VWC2L: variants seen among roughly 807,000 people sequenced by gnomAD.
VWC2L encodes the protein von Willebrand factor C domain containing 2 like, also known as von Willebrand factor C domain-containing protein 2-like.
A neutral mutation model predicts 21.6 loss-of-function variants in VWC2L; 10 were observed. That is an observed-to-expected ratio of 0.46 (90% confidence interval 0.29 to 0.78). VWC2L has a LOEUF of 0.78. Ranked by LOEUF, VWC2L falls within the 30% of genes least tolerant of loss-of-function variation. VWC2L has a pLI of 0.10. For missense variants in VWC2L, 209 were observed against 277.1 expected, an observed-to-expected ratio of 0.75 and a Z score of 1.74; for synonymous variants, 96 against 94.3, an observed-to-expected ratio of 1.02 and a Z score of -0.10.
chr2:214,413,498 C>A (rs1702308247), intron 1 of VWC2L, among the ~76,000 whole-genome samples: 1 of 151,990 alleles, frequency 6.6e-6, no homozygotes, highest in African/African-American at 2.4e-5. Context: ...TTTTTGTTAT[C>A]AACTTTATTT....
At chr2:214,562,792 C>T (rs1175538005) in intron 3 of VWC2L, among the ~76,000 whole-genome samples, 1 of 152,134 alleles carries the variant, frequency 6.6e-6, no homozygotes, top group Non-Finnish European at 1.5e-5. Context: ...TGTTCACGTC[C>T]TTTGCCCACT....
chr2:214,549,771 CAAAACA>C (rs1689764746), intron 3 of VWC2L, among the ~76,000 whole-genome samples: 1 of 152,138 alleles, frequency 6.6e-6, no homozygotes, highest in Non-Finnish European at 1.5e-5. Flanking sequence ...GACTCCGTCT[CAAAACA>C]AAAACAAATA....
chr2:214,514,580 C>A (rs1689110465), intron 3 of VWC2L, among the ~76,000 whole-genome samples: 1 of 149,644 alleles, frequency 6.7e-6, no homozygotes, highest in South Asian at 2.1e-4. Flanking sequence ...TTTTGCCAAG[C>A]AGACAGTATA....
intron 3 of VWC2L, among the ~76,000 whole-genome samples, chr2:214,572,549 G>A (rs916227899): frequency 4.6e-5 from 7 of 152,138 alleles, no homozygotes; most frequent in Non-Finnish European, 8.8e-5. Context: ...GTAGACAGTA[G>A]ATAGAAGGGT....
intron 3 of VWC2L, among the ~76,000 whole-genome samples, chr2:214,439,779 A>C (rs576523565): frequency 1.4e-4 from 21 of 151,868 alleles, no homozygotes; most frequent in Middle Eastern, 3.2e-3. Flanking sequence ...CTCAACATTA[A>C]GCTAATATAG....
At chr2:214,485,290 G>C (rs1326104643) in intron 3 of VWC2L, among the ~76,000 whole-genome samples, 2 of 152,148 alleles carry the variant, frequency 1.3e-5, no homozygotes, top group South Asian at 2.1e-4. Context: ...CTAGGTGACA[G>C]AGCAAGACTC....
At chr2:214,427,544 C>G (rs990999305) in intron 2 of VWC2L, among the ~76,000 whole-genome samples, 2 of 152,140 alleles carry the variant, frequency 1.3e-5, no homozygotes, top group Admixed American at 1.3e-4. Flanking sequence ...CATTCTCAAT[C>G]GAACCACAAT....
At chr2:214,470,916 C>CAAAAAAAAAAAAAAAAAAAAAAAAAAA (rs56041924) in intron 3 of VWC2L, among the ~76,000 whole-genome samples, 1 of 50,794 alleles carries the variant, frequency 2.0e-5, no homozygotes, top group African/African-American at 1.0e-4. Flanking sequence ...AACTCCATCT[C>CAAAAAAAAAAAAAAAAAAAAAAAAAAA]AAAAAAAAAA....
At chr2:214,498,283 A>G (rs540992025) in intron 3 of VWC2L, among the ~76,000 whole-genome samples, 5 of 152,274 alleles carry the variant, frequency 3.3e-5, no homozygotes, top group African/African-American at 1.2e-4. Context: ...GGACATAGAG[A>G]AAAACTCTTT....
chr2:214,541,626 C>T lies in VWC2L; in HGVS notation c.521-34046C>T, dbSNP rs114238465. Among the ~76,000 whole-genome samples the T allele has an allele frequency of 4.7e-3, 720 of 152,254 alleles. 4 individuals carry two copies. Among genetic ancestry groups the T allele is most frequent in the Non-Finnish European group, 7.0e-3 (477 of 68,030 alleles). ...TAGGGTAGTTTTCATTTTGCATTCT[C>T]GCTCTGCCACACGTTAGGTAGGACC... On this transcript the variant is annotated intron_variant, in intron 3 of 3. Coordinates refer to ENST00000312504, the MANE Select transcript of VWC2L (RefSeq NM_001080500.4).
At chr2:214,458,683 T>C (rs923783216) in intron 3 of VWC2L, among the ~76,000 whole-genome samples, 8 of 152,138 alleles carry the variant, frequency 5.3e-5, no homozygotes, top group Non-Finnish European at 1.2e-4. Context: ...TTTTACCTAG[T>C]GGTCATTTAG....
intron 3 of VWC2L, among the ~76,000 whole-genome samples, chr2:214,545,887 A>G (rs1204896293): frequency 1.3e-5 from 2 of 152,172 alleles, no homozygotes; most frequent in Non-Finnish European, 2.9e-5. Flanking sequence ...AAAGGAAAAA[A>G]TACTAGTTCA....
chr2:214,495,899 C>G (rs1406521117), intron 3 of VWC2L, among the ~76,000 whole-genome samples: 1 of 152,046 alleles, frequency 6.6e-6, no homozygotes, highest in African/African-American at 2.4e-5. Flanking sequence ...GCCAACAAGT[C>G]AGTTCAGATT....
At chr2:214,509,067 C>T (rs1394331083) in intron 3 of VWC2L, among the ~76,000 whole-genome samples, 4 of 152,158 alleles carry the variant, frequency 2.6e-5, no homozygotes, top group African/African-American at 9.7e-5. Context: ...AGATTTCTCA[C>T]TGAATTGCCA....
intron 3 of VWC2L, among the ~76,000 whole-genome samples, chr2:214,569,712 GCTC>G (rs1690121870): frequency 6.6e-6 from 1 of 151,956 alleles, no homozygotes; most frequent in Admixed American, 6.6e-5. Flanking sequence ...CCACTCAATG[GCTC>G]CTCATCTGCA....
chr2:214,490,071 TG>T (rs1357505312), intron 3 of VWC2L, among the ~76,000 whole-genome samples: 1 of 152,030 alleles, frequency 6.6e-6, no homozygotes. Flanking sequence ...AATAGCTGAG[TG>T]GAGTTTTCAG....
intron 3 of VWC2L, among the ~76,000 whole-genome samples, chr2:214,513,704 A>G (rs58168409): frequency 0.033 from 5,045 of 152,138 alleles, 317 homozygotes; most frequent in African/African-American, 0.11. Flanking sequence ...CTATCGAGCC[A>G]TCTCTCCTTC....
intron 3 of VWC2L, among the ~76,000 whole-genome samples, chr2:214,505,975 A>G (rs1688962326): frequency 6.6e-6 from 1 of 152,150 alleles, no homozygotes; most frequent in Non-Finnish European, 1.5e-5. Context: ...TGCTGGGAAG[A>G]TGATTCGCTT....
At chr2:214,445,965 G>T (rs913714980) in intron 3 of VWC2L, among the ~76,000 whole-genome samples, 2 of 152,130 alleles carry the variant, frequency 1.3e-5, no homozygotes, top group Non-Finnish European at 2.9e-5. Flanking sequence ...CATTTAGAAA[G>T]CCTCATTGAC....
Sources: gnomAD v4.1 joint callset for allele counts (sites outside exome capture counted in the v4.1 genomes callset) on GRCh38, gnomAD v4.1.1 for gene constraint, MANE v1.5 for transcripts, NCBI Gene and HGNC (gene_info 2026-07-23, HGNC 2026-07-21) for gene names.